AMPH: variants seen among roughly 807,000 people sequenced by gnomAD.
AMPH encodes amphiphysin.
In AMPH, 49 loss-of-function variants were observed where a neutral mutation model predicts 99.1. The ratio of observed to expected loss-of-function variants is 0.49; its 90% CI spans 0.39 to 0.63. The LOEUF is 0.63. Among genes scored for constraint, AMPH ranks in the 20% least tolerant of loss-of-function variants. The pLI is 0.00. For missense variants in AMPH, 759 were observed against 863.4 expected (o/e 0.88, Z 1.52); for synonymous variants, 314 against 317.3 (o/e 0.99, Z 0.11).
chr7:38,432,620 AC>A (rs1484213095), intron 12 of AMPH, among the ~76,000 whole-genome samples: 2 of 141,460 alleles, frequency 1.4e-5, no homozygotes, highest in African/African-American at 5.2e-5. Flanking sequence ...ACACACACAC[AC>A]ACCTCATTAA....
intron 1 of AMPH, among the ~76,000 whole-genome samples, chr7:38,574,829 G>A (rs1792174118): frequency 6.6e-6 from 1 of 151,994 alleles, no homozygotes; most frequent in Non-Finnish European, 1.5e-5. Context: ...GCCGGGGCGG[G>A]CAGATCACGA....
chr7:38,574,194 T>C (rs1222485749), intron 1 of AMPH, among the ~76,000 whole-genome samples: 3 of 152,242 alleles, frequency 2.0e-5, no homozygotes, highest in Non-Finnish European at 4.4e-5. Flanking sequence ...TTATCACATA[T>C]ATTCTTATTT....
chr7:38,520,855 A>G (rs1432327602), intron 2 of AMPH, among the ~76,000 whole-genome samples: 1 of 152,204 alleles, frequency 6.6e-6, no homozygotes, highest in Non-Finnish European at 1.5e-5. Context: ...ACACTATCAG[A>G]CATAGACCAC....
intron 11 of AMPH, among the ~76,000 whole-genome samples, chr7:38,453,865 G>A (rs1439169608): frequency 6.6e-6 from 1 of 152,194 alleles, no homozygotes; most frequent in Non-Finnish European, 1.5e-5. Flanking sequence ...AACACTCCCA[G>A]TTCGAAAATT....
intron 11 of AMPH, among the ~76,000 whole-genome samples, chr7:38,458,587 T>C (rs1470800630): frequency 6.6e-6 from 1 of 152,078 alleles, no homozygotes; most frequent in Non-Finnish European, 1.5e-5. Flanking sequence ...ATATATCACA[T>C]CAACAGAATT....
intron 11 of AMPH, 30 bp downstream of exon 11, chr7:38,461,253 G>T: frequency 1.2e-6 from 2 of 1,611,402 alleles, no homozygotes; most frequent in South Asian, 2.2e-5. Context: ...GGACTTTCAT[G>T]GACATACCAG....
At chr7:38,407,381 T>A (rs997282105) in intron 17 of AMPH, among the ~76,000 whole-genome samples, 13 of 150,144 alleles carry the variant, frequency 8.7e-5, no homozygotes, top group Non-Finnish European at 1.5e-5. Flanking sequence ...GAACACCACA[T>A]GTTCTCACTT....
rs949699556 is a variant in AMPH at position 38,611,415 on chromosome 7, T to C, written c.69+19868A>G. On this transcript the variant is annotated intron_variant, in intron 1 of 20. Coordinates refer to ENST00000356264, the MANE Select transcript of AMPH (RefSeq NM_001635.4). ...CACTGTACCCTATAGTTAACAATAC[T>C]GTACTGTACACTTCAGAATTTGTTA... Among the ~76,000 whole-genome samples, 3 of 152,250 alleles carry C rather than the reference T, an allele frequency of 2.0e-5. No homozygotes were observed. In the East Asian group the frequency reaches 5.8e-4, roughly 29 times the overall value.
intron 17 of AMPH, among the ~76,000 whole-genome samples, chr7:38,414,232 T>C (rs558469754): frequency 1.3e-5 from 2 of 152,358 alleles, no homozygotes; most frequent in African/African-American, 4.8e-5. Context: ...TTGACAAGTT[T>C]AGTGGTAAAA....
At chr7:38,404,382 T>C (rs1056314947) in intron 17 of AMPH, among the ~76,000 whole-genome samples, 5 of 152,172 alleles carry the variant, frequency 3.3e-5, no homozygotes. Context: ...CAGAAGGGCA[T>C]AGTGCTAATG....
intron 14 of AMPH, chr7:38,428,993 T>C: frequency 7.8e-7 from 1 of 1,289,286 alleles, no homozygotes; most frequent in South Asian, 1.2e-5. Context: ...TCCTTTCACA[T>C]GCTTTCTCTT....
intron 1 of AMPH, 27 bp downstream of exon 1, chr7:38,631,255 GC>G: frequency 6.6e-7 from 1 of 1,508,882 alleles, no homozygotes; most frequent in Non-Finnish European, 8.8e-7. Context: ...GGCGTCCCCG[GC>G]CCCAGCCCCG....
intron 15 of AMPH, among the ~76,000 whole-genome samples, chr7:38,424,401 A>T (rs1181182667): frequency 2.0e-5 from 3 of 152,264 alleles, no homozygotes; most frequent in African/African-American, 7.2e-5. Flanking sequence ...ACCTTCAGAG[A>T]TATAATGGAA....
At chr7:38,524,450 T>C (rs1478699705) in intron 2 of AMPH, among the ~76,000 whole-genome samples, 2 of 152,218 alleles carry the variant, frequency 1.3e-5, no homozygotes, top group Admixed American at 6.5e-5. Context: ...GTCTTCTGCA[T>C]AGCAAAAGTT....
chr7:38,466,322 T>A, intron 7 of AMPH, 74 bp from the exon 8 acceptor site: 1 of 1,184,528 alleles, frequency 8.4e-7, no homozygotes, highest in Non-Finnish European at 1.2e-6. Context: ...TTAATAGCAA[T>A]GAAATGTATG....
At chr7:38,407,469 C>T (rs1039251985) in intron 17 of AMPH, among the ~76,000 whole-genome samples, 14 of 151,544 alleles carry the variant, frequency 9.2e-5, no homozygotes, top group African/African-American at 2.9e-4. Context: ...AAAGTGGAGA[C>T]GGAGAGGAGG....
At chr7:38,473,389 T>C (rs1584138150) in intron 7 of AMPH, among the ~76,000 whole-genome samples, 1 of 152,146 alleles carries the variant, frequency 6.6e-6, no homozygotes, top group Admixed American at 6.6e-5. Context: ...GCTAAAGATA[T>C]ATGTAAAGAT....
chr7:38,576,077 C>T (rs1293229015), intron 1 of AMPH, among the ~76,000 whole-genome samples: 1 of 152,118 alleles, frequency 6.6e-6, no homozygotes, highest in Non-Finnish European at 1.5e-5. Context: ...GACTAGAGTT[C>T]CTGAACACCT....
At chr7:38,615,988 T>C (rs1793858599) in intron 1 of AMPH, among the ~76,000 whole-genome samples, 2 of 152,094 alleles carry the variant, frequency 1.3e-5, no homozygotes, top group Admixed American at 1.3e-4. Flanking sequence ...GAACCACATA[T>C]ACATGCAGGG....
Sources: gnomAD v4.1 joint callset for allele counts (sites outside exome capture counted in the v4.1 genomes callset) on GRCh38, gnomAD v4.1.1 for gene constraint, MANE v1.5 for transcripts, NCBI Gene and HGNC (gene_info 2026-07-23, HGNC 2026-07-21) for gene names.